RSU1: variants seen among roughly 807,000 people sequenced by gnomAD.
RSU1 encodes the protein rsu-1.
In RSU1, 26 loss-of-function variants were observed where a neutral mutation model predicts 31.1. The observed-to-expected ratio is 0.84, with a 90% confidence interval of 0.61 to 1.16. RSU1 has a LOEUF of 1.16. Ranked by LOEUF, RSU1 falls within the 50% of genes most tolerant of loss-of-function variation. The pLI is 0.00. For synonymous variants in RSU1, 164 were observed against 136.3 expected, an observed-to-expected ratio of 1.20 and a Z score of -1.41; for missense variants, 320 against 339.1, an observed-to-expected ratio of 0.94 and a Z score of 0.44.
intron 8 of RSU1, among the ~76,000 whole-genome samples, chr10:16,626,407 C>A (rs1336148827): frequency 6.6e-6 from 1 of 152,104 alleles, no homozygotes; most frequent in Non-Finnish European, 1.5e-5. Flanking sequence ...CCAGGCTGGT[C>A]TTGAACTCTT....
intron 3 of RSU1, among the ~76,000 whole-genome samples, chr10:16,770,956 TTAAAAA>T (rs965290093): frequency 8.7e-6 from 1 of 114,526 alleles, no homozygotes; most frequent in African/African-American, 5.0e-5. Context: ...ATATTGCTAT[TTAAAAA>T]AAAAAAAAAA....
At chr10:16,768,484 A>G (rs1837362232) in intron 3 of RSU1, among the ~76,000 whole-genome samples, 1 of 150,880 alleles carries the variant, frequency 6.6e-6, no homozygotes, top group South Asian at 2.1e-4. Flanking sequence ...GGTTTGCGGG[A>G]ACAGTCCCAG....
At chr10:16,764,583 G>A in intron 3 of RSU1, 73 bp from the exon 4 acceptor site, 3 of 1,472,340 alleles carry the variant, frequency 2.0e-6, no homozygotes, top group South Asian at 2.8e-5. Flanking sequence ...GGCACATTTT[G>A]TTTTTCTTTC....
At chr10:16,620,809 C>T (rs879716115) in intron 8 of RSU1, among the ~76,000 whole-genome samples, 1 of 151,030 alleles carries the variant, frequency 6.6e-6, no homozygotes, top group Non-Finnish European at 1.5e-5. Context: ...CGCGCCACTG[C>T]ACTCCAGCCT....
At chr10:16,632,104 C>T (rs1834261104) in intron 8 of RSU1, among the ~76,000 whole-genome samples, 1 of 152,154 alleles carries the variant, frequency 6.6e-6, no homozygotes. Flanking sequence ...ATCATCTCAC[C>T]ACCATATAGC....
At chr10:16,738,199 C>T in intron 7 of RSU1, among the ~76,000 whole-genome samples, 1 of 152,190 alleles carries the variant, frequency 6.6e-6, no homozygotes, top group African/African-American at 2.4e-5. Context: ...GTAATCCCAG[C>T]ACTTTGGGAG....
chr10:16,782,004 A>G (rs1475471994), intron 3 of RSU1, 30 bp downstream of exon 3: 1 of 1,601,412 alleles, frequency 6.2e-7, no homozygotes, highest in African/African-American at 1.3e-5. Flanking sequence ...TAAATGTCAG[A>G]AACTGTAACA....
chr10:16,687,868 T>C (rs952156126), intron 8 of RSU1, among the ~76,000 whole-genome samples: 5 of 152,038 alleles, frequency 3.3e-5, no homozygotes, highest in African/African-American at 7.2e-5. Context: ...TACAGGCATG[T>C]GCCACCATGC....
In RSU1 at chr10:16,767,870, A is replaced by G. The variant is rs569138068; in HGVS notation, c.161-3360T>C. 2.7e-4 allele frequency among the ~76,000 whole-genome samples: 41 copies of G among 152,286 alleles called. 1 individual carries two copies. Among genetic ancestry groups the G allele is most frequent in the Admixed American group, 1.0e-3 (16 of 15,300 alleles). On this transcript the variant is annotated intron_variant, in intron 3 of 8. Transcript: ENST00000345264. Reference sequence around the variant, plus strand: ...CTTGGAAAATAAACTACTCCCAACCAAACTCTCTGAAAAAAATAACCAGTT... The same window carrying G: ...CTTGGAAAATAAACTACTCCCAACCGAACTCTCTGAAAAAAATAACCAGTT...
chr10:16,733,158 T>A (rs1472380160), intron 7 of RSU1, among the ~76,000 whole-genome samples: 1 of 151,872 alleles, frequency 6.6e-6, no homozygotes, highest in Non-Finnish European at 1.5e-5. Flanking sequence ...ACTGGTCAAT[T>A]TAAGGCACTG....
intron 8 of RSU1, among the ~76,000 whole-genome samples, chr10:16,663,144 T>C (rs561417375): frequency 1.3e-5 from 2 of 152,232 alleles, no homozygotes; most frequent in South Asian, 4.1e-4. Flanking sequence ...TCCAACCAGA[T>C]CTGTATGCGC....
At chr10:16,766,629 C>T (rs1462791099) in intron 3 of RSU1, among the ~76,000 whole-genome samples, 2 of 151,828 alleles carry the variant, frequency 1.3e-5, no homozygotes, top group Admixed American at 6.6e-5. Context: ...GCAGGAGAAT[C>T]GCTTGAACCT....
intron 8 of RSU1, among the ~76,000 whole-genome samples, chr10:16,605,905 G>A (rs1373967659): frequency 6.6e-6 from 1 of 152,168 alleles, no homozygotes; most frequent in African/African-American, 2.4e-5. Context: ...GAGCTCAAGT[G>A]ATCCTCCTGC....
intron 8 of RSU1, among the ~76,000 whole-genome samples, chr10:16,663,697 T>A (rs1213335262): frequency 1.3e-5 from 2 of 152,184 alleles, no homozygotes; most frequent in African/African-American, 4.8e-5. Flanking sequence ...TAGTTTCACA[T>A]GTGATCACCA....
chr10:16,724,132 G>A (rs573993687), intron 7 of RSU1, among the ~76,000 whole-genome samples: 8 of 151,872 alleles, frequency 5.3e-5, no homozygotes, highest in Middle Eastern at 3.4e-3. Context: ...TAGTAGAGAC[G>A]GGGCTTCACC....
chr10:16,600,567 T>TTG (rs1491231268), intron 8 of RSU1, among the ~76,000 whole-genome samples: 2 of 114,028 alleles, frequency 1.8e-5, no homozygotes, highest in African/African-American at 1.2e-4. Context: ...TTTTTTTTTT[T>TTG]AGGGGGGGGT....
At chr10:16,718,333 G>A (rs907313660) in intron 7 of RSU1, among the ~76,000 whole-genome samples, 5 of 152,142 alleles carry the variant, frequency 3.3e-5, no homozygotes, top group Non-Finnish European at 7.3e-5. Flanking sequence ...TTTATACTCA[G>A]TAGCAAGAAT....
At chr10:16,740,045 G>A (rs961725418) in intron 7 of RSU1, among the ~76,000 whole-genome samples, 11 of 151,982 alleles carry the variant, frequency 7.2e-5, no homozygotes, top group East Asian at 1.9e-4. Flanking sequence ...CCCAGATGGC[G>A]TCAATAATGA....
chr10:16,613,538 T>C (rs756048789), intron 8 of RSU1, among the ~76,000 whole-genome samples: 3 of 152,220 alleles, frequency 2.0e-5, no homozygotes, highest in African/African-American at 4.8e-5. Context: ...CTGATCCTGG[T>C]TGCCACTGTG....
Sources: gnomAD v4.1 joint callset for allele counts (sites outside exome capture counted in the v4.1 genomes callset) on GRCh38, gnomAD v4.1.1 for gene constraint, MANE v1.5 for transcripts, NCBI Gene and HGNC (gene_info 2026-07-23, HGNC 2026-07-21) for gene names.